Variants in PCDH15 observed in about 807,000 individuals in gnomAD.
The protein encoded by PCDH15 is protocadherin related 15, also known as protocadherin-15.
A neutral mutation model predicts 178.5 loss-of-function variants in PCDH15; 129 were observed. That is an observed-to-expected ratio of 0.72 (90% CI 0.63 to 0.84). PCDH15 has a LOEUF of 0.84. Among genes scored for constraint, PCDH15 ranks in the 40% least tolerant of loss-of-function variants. The pLI, the probability that PCDH15 is intolerant of heterozygous loss-of-function variation, is 0.00. For missense variants in PCDH15, 2,230 were observed against 2,099.9 expected (o/e 1.06, Z -1.21); for synonymous variants, 800 against 732.0 (o/e 1.09, Z -1.50).
At chr10:54,300,082 G>C (rs547658196) in intron 8 of PCDH15, among the ~76,000 whole-genome samples, 3 of 152,172 alleles carry the variant, frequency 2.0e-5, no homozygotes, top group African/African-American at 7.2e-5. Context: ...TGGCAGCAGA[G>C]ACTCTCCTAA....
At chr10:54,588,671 A>AGG (rs10652713) in intron 2 of PCDH15, among the ~76,000 whole-genome samples, 144,891 of 152,158 alleles carry the variant, frequency 0.95, 69,110 homozygotes, top group Middle Eastern at 0.98. Context: ...TCTACTTCCC[A>AGG]CTCAAGCGAT....
intron 2 of PCDH15, among the ~76,000 whole-genome samples, chr10:55,512,614 T>C (rs1457184349): frequency 6.6e-6 from 1 of 152,102 alleles, no homozygotes; most frequent in African/African-American, 2.4e-5. Flanking sequence ...GAGCCTTTTA[T>C]TTTAAGAACC....
intron 8 of PCDH15, among the ~76,000 whole-genome samples, chr10:54,286,071 G>GAA (rs1811000608): frequency 6.6e-6 from 1 of 152,132 alleles, no homozygotes; most frequent in African/African-American, 2.4e-5. Flanking sequence ...GATGGAGAGA[G>GAA]ACTGGTCAAA....
intron 3 of PCDH15, among the ~76,000 whole-genome samples, chr10:54,491,359 G>T (rs1226575778): frequency 7.1e-6 from 1 of 141,752 alleles, no homozygotes; most frequent in African/African-American, 2.6e-5. Context: ...GAAACTCCAA[G>T]AAATATGATC....
At chr10:54,345,228 CA>C (rs1943048241) in intron 6 of PCDH15, among the ~76,000 whole-genome samples, 1 of 152,058 alleles carries the variant, frequency 6.6e-6, no homozygotes, top group East Asian at 1.9e-4. Flanking sequence ...TAACATAATG[CA>C]ATAAATTTGT....
At chr10:54,394,571 G>A (rs1174364570) in intron 3 of PCDH15, among the ~76,000 whole-genome samples, 1 of 152,172 alleles carries the variant, frequency 6.6e-6, no homozygotes, top group Admixed American at 6.5e-5. Flanking sequence ...GTGGAGGCAG[G>A]GCAAGATCAC....
intron 3 of PCDH15, among the ~76,000 whole-genome samples, chr10:54,818,001 C>A (rs1255607658): frequency 1.3e-5 from 2 of 151,942 alleles, no homozygotes; most frequent in Non-Finnish European, 2.9e-5. Flanking sequence ...TTCTTTATAA[C>A]CTCCCTGATC....
chr10:53,868,109 A>G (rs1344942938), intron 26 of PCDH15, among the ~76,000 whole-genome samples: 1 of 152,116 alleles, frequency 6.6e-6, no homozygotes, highest in East Asian at 1.9e-4. Flanking sequence ...ATAGTGAAAT[A>G]CTTGGAAAAT....
chr10:54,625,920 T>C (rs914409285), intron 2 of PCDH15, among the ~76,000 whole-genome samples: 1 of 152,120 alleles, frequency 6.6e-6, no homozygotes, highest in African/African-American at 2.4e-5. Context: ...TTGACAAAAA[T>C]GCTGATAGTG....
chr10:54,991,270 A>T (rs900020513), intron 2 of PCDH15, among the ~76,000 whole-genome samples: 1 of 152,196 alleles, frequency 6.6e-6, no homozygotes, highest in African/African-American at 2.4e-5. Flanking sequence ...CTTCAACAAC[A>T]TTAATGTAAT....
chr10:53,872,424 T>C (rs898965073), intron 26 of PCDH15, among the ~76,000 whole-genome samples: 1 of 152,234 alleles, frequency 6.6e-6, no homozygotes, highest in African/African-American at 2.4e-5. Flanking sequence ...TCTTCTTTGA[T>C]ATCAGTGAAT....
intron 5 of PCDH15, among the ~76,000 whole-genome samples, chr10:54,350,400 T>C (rs1366459777): frequency 6.6e-6 from 1 of 152,164 alleles, no homozygotes; most frequent in East Asian, 1.9e-4. Flanking sequence ...TACTAGATTG[T>C]GCAAGCATGT....
chr10:54,989,266 G>T (rs1839446131), intron 2 of PCDH15, among the ~76,000 whole-genome samples: 2 of 152,210 alleles, frequency 1.3e-5, no homozygotes, highest in Non-Finnish European at 1.5e-5. Flanking sequence ...GAAGGGATAT[G>T]TGGGGTCAGA....
chr10:55,511,064 G>A (rs1840874228), intron 2 of PCDH15, among the ~76,000 whole-genome samples: 1 of 149,334 alleles, frequency 6.7e-6, no homozygotes, highest in Non-Finnish European at 1.5e-5. Flanking sequence ...TTTTTTTTTA[G>A]AGATACAGGT....
chr10:54,653,725 C>A (rs948232893), intron 2 of PCDH15, among the ~76,000 whole-genome samples: 1 of 152,152 alleles, frequency 6.6e-6, no homozygotes, highest in African/African-American at 2.4e-5. Flanking sequence ...CAGTGTTATT[C>A]AAATTTTTCC....
intron 8 of PCDH15, among the ~76,000 whole-genome samples, chr10:54,302,567 G>A (rs1326284068): frequency 2.2e-4 from 33 of 152,170 alleles, no homozygotes; most frequent in Admixed American, 2.2e-3. Context: ...CCAAAAGCAG[G>A]ACCTCCTCAG....
chr10:55,594,172 T>C (rs1308457780), intron 2 of PCDH15, among the ~76,000 whole-genome samples: 2 of 151,894 alleles, frequency 1.3e-5, no homozygotes, highest in Non-Finnish European at 2.9e-5. Flanking sequence ...ATGTTTCCAG[T>C]GTACAGGTAG....
rs369744724 is a variant in PCDH15 at position 55,170,814 on chromosome 10, G to A, written c.-155-4163C>T. Among the ~76,000 whole-genome samples the A allele has an allele frequency of 3.2e-3, 485 of 152,154 alleles. 1 individual carries two copies. Among genetic ancestry groups the A allele is most frequent in the South Asian group, 0.02 (95 of 4,810 alleles). On this transcript the variant is annotated intron_variant, in intron 1 of 5. Transcript: ENST00000458638. ...GGAGAATTCCTTGAACCTGGGAGGCGGAGGTTGCAGTGAGCCAAGATCGCA... is the reference window on the plus strand; with the variant it reads ...GGAGAATTCCTTGAACCTGGGAGGCAGAGGTTGCAGTGAGCCAAGATCGCA...
At chr10:54,286,196 T>C (rs576746647) in intron 8 of PCDH15, among the ~76,000 whole-genome samples, 3 of 152,276 alleles carry the variant, frequency 2.0e-5, no homozygotes, top group South Asian at 4.1e-4. Flanking sequence ...GAAGAAAGAA[T>C]TTTGAATGTT....
Sources: gnomAD v4.1 joint callset for allele counts (sites outside exome capture counted in the v4.1 genomes callset) on GRCh38, gnomAD v4.1.1 for gene constraint, MANE v1.5 for transcripts, NCBI Gene and HGNC (gene_info 2026-07-23, HGNC 2026-07-21) for gene names.